The following ARID2 variants were observed in gnomAD, a reference collection of about 807,000 sequenced individuals.
ARID2 encodes AT-rich interaction domain 2.
A neutral mutation model predicts 184.6 loss-of-function variants in ARID2; 32 were observed. The ratio of observed to expected loss-of-function variants is 0.17; its 90% CI spans 0.13 to 0.23. The LOEUF is 0.23. ARID2 is among the 10% of genes least tolerant of loss of function. ARID2 has a pLI of 1.00. For missense variants in ARID2, 1,696 were observed against 2,197.6 expected (o/e 0.77, Z 4.56); for synonymous variants, 836 against 772.6 (o/e 1.08, Z -1.36).
intron 3 of ARID2, among the ~76,000 whole-genome samples, chr12:45,738,568 C>T (rs553665139): frequency 6.6e-6 from 1 of 152,290 alleles, no homozygotes; most frequent in South Asian, 2.1e-4. Flanking sequence ...ATCTTGACCT[C>T]CCAAAGTGTT....
At chr12:45,884,665 A>T (rs1944159346) in intron 16 of ARID2, among the ~76,000 whole-genome samples, 5 of 152,204 alleles carry the variant, frequency 3.3e-5, no homozygotes, top group Admixed American at 3.3e-4. Flanking sequence ...CTTTTCCTGT[A>T]ATAATTATTA....
At chr12:45,829,486 CTTCT>C (rs1393490803) in intron 6 of ARID2, among the ~76,000 whole-genome samples, 2 of 151,710 alleles carry the variant, frequency 1.3e-5, no homozygotes, top group Admixed American at 6.6e-5. Flanking sequence ...TTTCATCTCC[CTTCT>C]GAGTATGTGT....
In ARID2 at chr12:45,770,338, A is replaced by T. The variant is rs191498061; in HGVS notation, c.284+39024A>T. ...CTCAGAGAATTTGTTGCTAGCAGTC[A>T]TGCCTTACAATGACACAGGATTTTT... On this transcript the variant is annotated intron_variant, in intron 3 of 20. Transcript: ENST00000334344. Among the ~76,000 whole-genome samples the T allele has an allele frequency of 3.8e-3, 581 of 152,268 alleles. 3 individuals carry two copies. The highest frequency in any genetic ancestry group is 4.7e-3 in the Non-Finnish European group (318 of 68,008).
chr12:45,851,136 C>G lies in ARID2; in HGVS notation c.3013C>G (p.Gln1005Glu). Residue 1005 changes from glutamine to glutamate, a missense_variant, in exon 15 of 21, where the codon CAA becomes GAA. Gln to Glu is a conservative substitution (Grantham distance 29). Coordinates refer to ENST00000334344, the MANE Select transcript of ARID2 (RefSeq NM_152641.4). The part of the protein sequence containing the change: ...QSQGPPPTVS[Q>E]MLSVKRQQQQ... Reference sequence around the variant, plus strand: ...ACAGGGACCACCTCCTACTGTCAGTCAAATGTTATCTGTGAAAAGGCAGCA... The same window carrying G: ...ACAGGGACCACCTCCTACTGTCAGTGAAATGTTATCTGTGAAAAGGCAGCA... The G allele has an allele frequency of 1.2e-6, 2 of 1,614,090 alleles. No homozygotes were observed. Among genetic ancestry groups the G allele is most frequent in the Non-Finnish European group, 1.7e-6 (2 of 1,180,016 alleles).
chr12:45,816,940 C>T (rs1441031438), intron 4 of ARID2, among the ~76,000 whole-genome samples: 2 of 152,194 alleles, frequency 1.3e-5, no homozygotes, highest in Admixed American at 6.5e-5. Context: ...TATATCTTGA[C>T]TGTGATGATT....
intron 16 of ARID2, among the ~76,000 whole-genome samples, chr12:45,885,619 G>A (rs1387459682): frequency 6.6e-6 from 1 of 152,208 alleles, no homozygotes; most frequent in Non-Finnish European, 1.5e-5. Context: ...AACTGCCAGA[G>A]ACTGGGTAAT....
chr12:45,879,026 T>A (rs565349619), intron 16 of ARID2, among the ~76,000 whole-genome samples: 1 of 152,310 alleles, frequency 6.6e-6, no homozygotes, highest in South Asian at 2.1e-4. Flanking sequence ...ATATAGCCTG[T>A]ATCTTGTAGC....
chr12:45,736,082 C>T (rs1246013739), intron 3 of ARID2, among the ~76,000 whole-genome samples: 2 of 152,108 alleles, frequency 1.3e-5, no homozygotes, highest in African/African-American at 2.4e-5. Flanking sequence ...TGTGGCCGGG[C>T]GTGGTGGCTC....
intron 16 of ARID2, among the ~76,000 whole-genome samples, chr12:45,865,732 T>G (rs778088091): frequency 1.3e-5 from 2 of 152,138 alleles, no homozygotes; most frequent in African/African-American, 4.8e-5. Context: ...AGTCAGTGAC[T>G]TTTTTCTTCA....
chr12:45,795,714 G>A (rs1011376123), intron 3 of ARID2, among the ~76,000 whole-genome samples: 3 of 152,068 alleles, frequency 2.0e-5, no homozygotes, highest in Admixed American at 6.5e-5. Context: ...GGGATTATAG[G>A]CGTGAGCCCC....
intron 3 of ARID2, among the ~76,000 whole-genome samples, chr12:45,734,624 A>C (rs1026059954): frequency 2.6e-5 from 4 of 152,094 alleles, no homozygotes; most frequent in Non-Finnish European, 5.9e-5. Context: ...AATTGGACCA[A>C]AATGTTGTGT....
chr12:45,800,727 A>G (rs972077306), intron 3 of ARID2, among the ~76,000 whole-genome samples: 1 of 152,098 alleles, frequency 6.6e-6, no homozygotes, highest in Non-Finnish European at 1.5e-5. Context: ...GGAATATCTT[A>G]TTGTGCTATA....
rs375643219 is a variant in ARID2 at position 45,850,525 on chromosome 12, T to A, written c.2402T>A (p.Met801Lys). ...CAACAAGCTGTCCCACAGAGTCATA[T>A]GTTTGGCAGAGTACAGAACATACCA... ...VIQQAVPQSH[M>K]FGRVQNIPAC... Residue 801 changes from methionine to lysine, a missense_variant, in exon 15 of 21, where the codon ATG becomes AAG. Met to Lys is a moderately conservative substitution (Grantham distance 95). Around this residue, in one of 11 missense-constraint regions of ARID2, gnomAD observed 713 missense variants for 824.4 expected, o/e 0.86. Transcript: ENST00000334344. 5.6e-6 allele frequency: 9 copies of A among 1,613,984 alleles called. No homozygotes were observed. The African/African-American group carries it at 1.2e-4, about 22-fold the overall frequency.
chr12:45,836,644 A>C lies in ARID2; in HGVS notation c.761A>C (p.Asn254Thr). The change falls in exon 7 of 21, where the codon AAC (asparagine) becomes ACC (threonine). Residue 254 changes from asparagine to threonine, a missense_variant. Around this residue, in one of 11 missense-constraint regions of ARID2, gnomAD observed 148 missense variants for 285.4 expected, o/e 0.52. Transcript: ENST00000334344. ...GTTCGTGACCTCATTTCTGACAGAA[A>C]CAAGTCTCATGGTAAGTTAGTGAAA... is the stretch of plus-strand genomic sequence containing the variant. The part of the protein sequence containing the change: ...NEVRDLISDR[N>T]KSHEGTSGEW... 6.2e-7 allele frequency: 1 copy of C among 1,610,756 alleles called. No individual in the cohort carries two copies. Among genetic ancestry groups the C allele is most frequent in the Non-Finnish European group, 8.5e-7 (1 of 1,178,792 alleles).
In ARID2 at chr12:45,847,086, T is replaced by G. The variant is rs977345480; in HGVS notation, c.1580+149T>G. ...ATCATTTACACAAAGAAAGGACACT[T>G]TAAAATCCCCTTGTATATTGGAATA... On this transcript the variant is annotated intron_variant, in intron 12 of 20. Coordinates refer to ENST00000334344, the MANE Select transcript of ARID2 (RefSeq NM_152641.4). The G allele has an allele frequency of 4.8e-5, 28 of 583,742 alleles. 1 individual carries two copies. Among genetic ancestry groups the G allele is most frequent in the East Asian group, 3.0e-4 (10 of 33,012 alleles). 36.2% of individuals were successfully genotyped at this position (583,742 alleles called of 1,614,324 possible).
intron 12 of ARID2, 80 bp downstream of exon 12, chr12:45,847,017 T>C (rs1002996495): frequency 2.3e-6 from 3 of 1,298,948 alleles, no homozygotes; most frequent in Non-Finnish European, 3.3e-6. Context: ...TCTACAGACA[T>C]CCAGAATGTT....
chr12:45,831,783 T>TA (rs1943128001), intron 6 of ARID2, among the ~76,000 whole-genome samples: 1 of 152,208 alleles, frequency 6.6e-6, no homozygotes, highest in Non-Finnish European at 1.5e-5. Flanking sequence ...TATATATCCT[T>TA]TCAGTTCTGT....
At chr12:45,747,011 C>G (rs185761311) in intron 3 of ARID2, among the ~76,000 whole-genome samples, 1 of 152,138 alleles carries the variant, frequency 6.6e-6, no homozygotes, top group Non-Finnish European at 1.5e-5. Context: ...CCTTGTGATC[C>G]GCCCGCCTCA....
At chr12:45,804,508 GTC>G (rs1942565603) in intron 3 of ARID2, among the ~76,000 whole-genome samples, 2 of 151,542 alleles carry the variant, frequency 1.3e-5, no homozygotes, top group Admixed American at 6.6e-5. Flanking sequence ...GTGTGTGTGT[GTC>G]TGTATGTAGT....
Sources: gnomAD v4.1 joint callset for allele counts (sites outside exome capture counted in the v4.1 genomes callset) on GRCh38, gnomAD v4.1.1 for gene constraint, gnomAD v4.1.1 regional missense constraint, MANE v1.5 for transcripts, NCBI Gene and HGNC (gene_info 2026-07-23, HGNC 2026-07-21) for gene names.